Variants in TMEM131L observed in about 807,000 individuals in gnomAD.
TMEM131L encodes the protein transmembrane 131 like.
TMEM131L carries 54 observed loss-of-function variants against 192.2 expected under a neutral mutation model. That is an observed-to-expected ratio of 0.28 (90% CI 0.23 to 0.35). The LOEUF is 0.35. Among genes scored for constraint, TMEM131L ranks in the 10% least tolerant of loss-of-function variants. The pLI is 1.00. For synonymous variants in TMEM131L, 701 were observed against 704.9 expected (o/e 0.99, Z 0.09); for missense variants, 1,888 against 1,972.9 (o/e 0.96, Z 0.82).
intron 3 of TMEM131L, among the ~76,000 whole-genome samples, chr4:153,522,635 T>A (rs967003053): frequency 2.6e-5 from 4 of 152,160 alleles, no homozygotes; most frequent in African/African-American, 9.7e-5. Flanking sequence ...GCAAGGTCCT[T>A]CAGTTATTTC....
chr4:153,480,374 G>A (rs1008147777), intron 3 of TMEM131L, among the ~76,000 whole-genome samples: 3 of 151,738 alleles, frequency 2.0e-5, no homozygotes, highest in African/African-American at 4.8e-5. Flanking sequence ...CCAAAAATAA[G>A]CCGGGCGTGG....
At chr4:153,506,816 C>G (rs1428753460) in intron 3 of TMEM131L, among the ~76,000 whole-genome samples, 2 of 143,062 alleles carry the variant, frequency 1.4e-5, no homozygotes, top group Non-Finnish European at 3.0e-5. Flanking sequence ...GCACTCCAGC[C>G]TGGGTGACAG....
chr4:153,626,315 C>T, intron 30 of TMEM131L, 90 bp downstream of exon 30: 1 of 836,290 alleles, frequency 1.2e-6, no homozygotes, highest in Non-Finnish European at 1.9e-6. Flanking sequence ...CTTGGTTCTG[C>T]AGGTTAAAAT....
chr4:153,623,078 C>A lies in TMEM131L; in HGVS notation c.4040C>A (p.Pro1347Gln), dbSNP rs753169060. The A allele has an allele frequency of 6.3e-7, 1 of 1,599,146 alleles. No homozygotes were observed. Among genetic ancestry groups the A allele is most frequent in the South Asian group, 1.1e-5 (1 of 88,498 alleles). Residue 1347 changes from proline (P) to glutamine (Q), a missense_variant, in exon 29 of 35, where the codon CCG becomes CAG. By Grantham distance (76) the Pro-to-Gln change is moderately conservative. Transcript: ENST00000409959. ...ATGGTGGACGCCCAGCACTTCCTGC[C>A]GGCCGGTGAGTCCTGAGCAGAGCCC... The part of the protein sequence containing the change: ...KPMVDAQHFL[P>Q]AGDSVSQNDF...
Position 153,604,055 on chromosome 4 carries a change from C to T in TMEM131L, c.3043C>T (p.Pro1015Ser), listed in dbSNP as rs748460212. Reference protein sequence around the residue: ...KQTSPLGSSLPAAKEDICTDA... With the variant: ...KQTSPLGSSLSAAKEDICTDA... ...GACTTCACCCCTGGGCAGCTCACTG[C>T]CTGCTGCTAAAGAGGACATTTGCAC... The change falls in exon 25 of 35, where the codon CCT (proline) becomes TCT (serine). Residue 1015 changes from proline to serine, a missense_variant. By Grantham distance (74) the Pro-to-Ser change is moderately conservative (BLOSUM62 -1). Transcript: ENST00000409959. The T allele has an allele frequency of 6.2e-7, 1 of 1,614,164 alleles. No homozygotes were observed. The highest frequency in any genetic ancestry group is 1.1e-5 in the South Asian group (1 of 91,084).
intron 3 of TMEM131L, among the ~76,000 whole-genome samples, chr4:153,501,902 C>T (rs1733631881): frequency 6.7e-6 from 1 of 149,490 alleles, no homozygotes; most frequent in Non-Finnish European, 1.5e-5. Context: ...GATTTCCCCT[C>T]TACCTTTTCC....
intron 4 of TMEM131L, among the ~76,000 whole-genome samples, chr4:153,551,136 G>A (rs532656311): frequency 6.6e-6 from 1 of 152,170 alleles, no homozygotes; most frequent in Non-Finnish European, 1.5e-5. Context: ...AGAGGTAAAA[G>A]CACTGCTTGT....
chr4:153,469,460 C>T (rs1168762762), intron 2 of TMEM131L, among the ~76,000 whole-genome samples: 1 of 152,060 alleles, frequency 6.6e-6, no homozygotes, highest in African/African-American at 2.4e-5. Flanking sequence ...TCATATGTGT[C>T]AAACGGAGTC....
chr4:153,569,398 C>T (rs1390788298), intron 7 of TMEM131L, among the ~76,000 whole-genome samples: 1 of 152,212 alleles, frequency 6.6e-6, no homozygotes, highest in Non-Finnish European at 1.5e-5. Flanking sequence ...GATAAATTCA[C>T]TAATAATCTG....
Position 153,583,646 on chromosome 4 carries a change from C to T in TMEM131L, c.1034C>T (p.Thr345Ile). Residue 345 changes from threonine (T) to isoleucine (I), a missense_variant, in exon 11 of 35, where the codon ACA becomes ATA. Coordinates refer to ENST00000409959, the MANE Select transcript of TMEM131L (RefSeq NM_001131007.2). ...CTACCTACTTCTACAACAAACTTTA[C>T]AAAAATTGCTTCTTTTACCTGCAAA... Reference protein sequence around the residue: ...VLLPTSTTNFTKIASFTCKAA... With the variant: ...VLLPTSTTNFIKIASFTCKAA... 4 of 1,603,430 alleles carry T rather than the reference C, an allele frequency of 2.5e-6. No individual in the cohort carries two copies. The highest frequency in any genetic ancestry group is 3.4e-6 in the Non-Finnish European group (4 of 1,175,028).
Position 153,593,891 on chromosome 4 carries a change from C to T in TMEM131L, c.1995+20C>T. On this transcript the variant is annotated intron_variant, in intron 19 of 34. Transcript: ENST00000409959. The stretch of plus-strand genomic sequence containing the variant: ...TACCTGGTAGGATGTTATCCTAAAA[C>T]AGAAAAAAGAATGCCGACAAACTAG... The T allele has an allele frequency of 6.4e-7, 1 of 1,556,682 alleles. No individual in the cohort carries two copies.
At chr4:153,470,851 G>T (rs144635769) in intron 2 of TMEM131L, among the ~76,000 whole-genome samples, 25 of 152,320 alleles carry the variant, frequency 1.6e-4, no homozygotes, top group African/African-American at 5.3e-4. Flanking sequence ...TGTCCAACAC[G>T]TATCTGTTGA....
chr4:153,582,218 G>T (rs1730383197), intron 9 of TMEM131L, among the ~76,000 whole-genome samples: 1 of 151,554 alleles, frequency 6.6e-6, no homozygotes, highest in Non-Finnish European at 1.5e-5. Context: ...TATTCTTTGG[G>T]TTTTTTTGTT....
chr4:153,553,781 G>A (rs1217863858), intron 4 of TMEM131L, among the ~76,000 whole-genome samples: 1 of 152,182 alleles, frequency 6.6e-6, no homozygotes, highest in East Asian at 1.9e-4. Context: ...TTGGTCCTGA[G>A]ATAAAAAGTG....
intron 3 of TMEM131L, among the ~76,000 whole-genome samples, chr4:153,534,526 C>A (rs1024586785): frequency 6.6e-6 from 1 of 152,232 alleles, no homozygotes; most frequent in Non-Finnish European, 1.5e-5. Flanking sequence ...CTTTGCCTCC[C>A]GGGTTCAAGC....
intron 5 of TMEM131L, 67 bp from the exon 6 acceptor site, chr4:153,556,899 A>G (rs1166441256): frequency 1.3e-6 from 1 of 751,474 alleles, no homozygotes. Context: ...CAAAAAAAGA[A>G]AGTCTGTGAA....
chr4:153,509,406 A>G (rs1472966484), intron 3 of TMEM131L, among the ~76,000 whole-genome samples: 1 of 151,276 alleles, frequency 6.6e-6, no homozygotes, highest in African/African-American at 2.4e-5. Flanking sequence ...TACAAATTAG[A>G]AACATCCATT....
chr4:153,591,548 C>T (rs1731065934), intron 17 of TMEM131L, among the ~76,000 whole-genome samples: 1 of 152,126 alleles, frequency 6.6e-6, no homozygotes, highest in Admixed American at 6.5e-5. Context: ...GACTGAGGCT[C>T]CCCTCCCTGT....
intron 3 of TMEM131L, among the ~76,000 whole-genome samples, chr4:153,479,760 A>T (rs1181919093): frequency 6.6e-6 from 1 of 152,234 alleles, no homozygotes; most frequent in African/African-American, 2.4e-5. Context: ...GAGCCAGAAC[A>T]TGAAGAGAAT....
Sources: allele counts gnomAD v4.1 joint callset (sites outside exome capture counted in the v4.1 genomes callset), GRCh38; gene constraint gnomAD v4.1.1; transcripts MANE v1.5; gene names NCBI Gene and HGNC (gene_info 2026-07-23, HGNC 2026-07-21).